PHF21B: variants seen among roughly 807,000 people sequenced by gnomAD.
The protein encoded by PHF21B is PHD finger protein 21B.
A neutral mutation model predicts 62.2 loss-of-function variants in PHF21B; 22 were observed. The ratio of observed to expected loss-of-function variants is 0.35; its 90% CI spans 0.25 to 0.51. The LOEUF is 0.51. Among genes scored for constraint, PHF21B ranks in the 20% least tolerant of loss-of-function variants. The pLI is 0.97. For synonymous variants in PHF21B, 341 were observed against 314.7 expected (o/e 1.08, Z -0.88); for missense variants, 701 against 707.9 (o/e 0.99, Z 0.11).
intron 2 of PHF21B, among the ~76,000 whole-genome samples, chr22:44,944,970 C>T (rs1198298374): frequency 2.7e-5 from 3 of 112,900 alleles, no homozygotes; most frequent in Non-Finnish European, 5.5e-5. Context: ...TGAATTAGAG[C>T]GATCCTTACC....
chr22:44,934,323 C>T (rs748472080), intron 2 of PHF21B, among the ~76,000 whole-genome samples: 7 of 152,220 alleles, frequency 4.6e-5, no homozygotes, highest in South Asian at 2.1e-4. Flanking sequence ...TCACCGCACG[C>T]GACCTAAGAC....
rs140408967 is a variant in PHF21B, at chr22:44,959,287, C to T, written c.121-38797G>A. Among the ~76,000 whole-genome samples, 244 of 152,292 alleles carry T rather than the reference C, an allele frequency of 1.6e-3. 1 individual carries two copies. Among genetic ancestry groups the T allele is most frequent in the African/African-American group, 5.5e-3 (228 of 41,550 alleles). On this transcript the variant is annotated intron_variant, in intron 2 of 12. Transcript: ENST00000313237. ...TCTAGAGAATGATGACATTTTGCCC[C>T]GACCCATCTTCTCATACTCTCCACT...
chr22:44,968,396 G>A (rs2147440811), intron 2 of PHF21B, among the ~76,000 whole-genome samples: 1 of 152,220 alleles, frequency 6.6e-6, no homozygotes, highest in African/African-American at 2.4e-5. Flanking sequence ...GTAATCTCAG[G>A]ACTTTAGGAG....
intron 2 of PHF21B, among the ~76,000 whole-genome samples, chr22:44,928,790 G>A (rs913901758): frequency 3.3e-5 from 5 of 152,294 alleles, no homozygotes; most frequent in South Asian, 2.1e-4. Flanking sequence ...GCAGTGGGCC[G>A]TGTTTCCCAT....
chr22:44,958,186 A>G (rs1454530443), intron 2 of PHF21B, among the ~76,000 whole-genome samples: 1 of 152,110 alleles, frequency 6.6e-6, no homozygotes, highest in East Asian at 1.9e-4. Context: ...TACAGGTGTG[A>G]GCCACCACGA....
At chr22:44,957,728 C>A (rs2072330151) in intron 2 of PHF21B, among the ~76,000 whole-genome samples, 1 of 152,168 alleles carries the variant, frequency 6.6e-6, no homozygotes, top group Non-Finnish European at 1.5e-5. Context: ...GCTGCTGGGG[C>A]CCCCTCTCCT....
At chr22:44,910,563 G>T (rs1436855403) in intron 5 of PHF21B, among the ~76,000 whole-genome samples, 1 of 151,578 alleles carries the variant, frequency 6.6e-6, no homozygotes, top group Non-Finnish European at 1.5e-5. Context: ...AGATCTGATG[G>T]GTGTAAAAAT....
rs773623920 is a variant in PHF21B at position 44,883,155 on chromosome 22, G to A, written c.1527C>T (p.Ala509=). The part of the protein sequence containing the change: ...MTTTSPAPLL[A]GPWTKPSVAA... ...CCACTGAGGGCTTGGTCCAGGGCCC[G>A]GCCAGCAGTGGGGCAGGGCTAGTGG... Residue 509 remains alanine, a synonymous_variant, in exon 13 of 13, where the codon GCC becomes GCT. Coordinates refer to ENST00000313237, the MANE Select transcript of PHF21B (RefSeq NM_138415.5). 4.5e-5 allele frequency: 73 copies of A among 1,612,952 alleles called. No individual in the cohort carries two copies. Among genetic ancestry groups the A allele is most frequent in the Middle Eastern group, 1.7e-4 (1 of 5,976 alleles).
chr22:44,905,490 A>C (rs1471826407), intron 5 of PHF21B, among the ~76,000 whole-genome samples: 1 of 152,194 alleles, frequency 6.6e-6, no homozygotes, highest in Non-Finnish European at 1.5e-5. Flanking sequence ...CTGTTGCTAG[A>C]GTATTTAGCA....
Position 44,913,280 on chromosome 22 carries a change from C to T in PHF21B, c.831+542G>A, listed in dbSNP as rs182326760. Among the ~76,000 whole-genome samples the T allele has an allele frequency of 2.0e-5, 3 of 152,312 alleles. No homozygotes were observed. In the East Asian group the frequency reaches 5.8e-4, roughly 29 times the overall value. ...CTTCTACAGTGCCCAGGGTCCTGCA[C>T]ACACCCAGGACTGGCCATGGCAGAG... On this transcript the variant is annotated intron_variant, in intron 5 of 12. Coordinates refer to ENST00000313237, the MANE Select transcript of PHF21B (RefSeq NM_138415.5).
intron 2 of PHF21B, among the ~76,000 whole-genome samples, chr22:45,007,246 G>C (rs1265365416): frequency 1.3e-5 from 2 of 149,846 alleles, no homozygotes; most frequent in Non-Finnish European, 3.0e-5. Flanking sequence ...CCCGCCACTC[G>C]CGCACGCCCC....
At chr22:44,963,137 T>C (rs1569258195) in intron 2 of PHF21B, among the ~76,000 whole-genome samples, 1 of 152,238 alleles carries the variant, frequency 6.6e-6, no homozygotes, top group Non-Finnish European at 1.5e-5. Context: ...AAGGACACTC[T>C]GCAGCTGTGA....
chr22:44,884,164 GCACCATCACCACCATCATTAC>G (rs2070796295), intron 12 of PHF21B, among the ~76,000 whole-genome samples: 3 of 137,416 alleles, frequency 2.2e-5, no homozygotes, highest in South Asian at 2.3e-4. Flanking sequence ...ACTGTGATCA[GCACCATCACCACCATCATTAC>G]CACCATCACC....
chr22:44,935,755 G>A (rs1341857070), intron 2 of PHF21B, among the ~76,000 whole-genome samples: 1 of 152,200 alleles, frequency 6.6e-6, no homozygotes, highest in Non-Finnish European at 1.5e-5. Context: ...TTAACCTCCT[G>A]AGCCTCAGTT....
chr22:44,886,883 A>G (rs1203280060), intron 10 of PHF21B, among the ~76,000 whole-genome samples: 4 of 152,148 alleles, frequency 2.6e-5, no homozygotes, highest in Non-Finnish European at 5.9e-5. Flanking sequence ...GCCTGGGTGC[A>G]GTGGCTCATA....
At chr22:44,991,677 C>T (rs2073044512) in intron 2 of PHF21B, among the ~76,000 whole-genome samples, 1 of 152,314 alleles carries the variant, frequency 6.6e-6, no homozygotes, top group African/African-American at 2.4e-5. Context: ...AGCTGGGGGG[C>T]TCCTGTGGTG....
chr22:44,994,134 TC>T (rs1214451040), intron 2 of PHF21B, among the ~76,000 whole-genome samples: 1 of 152,198 alleles, frequency 6.6e-6, no homozygotes, highest in African/African-American at 2.4e-5. Flanking sequence ...GCAACGTGAA[TC>T]CAAGGTAGGC....
Position 44,916,555 on chromosome 22 carries a change from T to G in PHF21B, c.289A>C (p.Thr97Pro). ...CTGACCACGGTGGCCTTCTGGAATG[T>G]TGGGGGCTGCTTGGGTGGCCGGTCC... Reference protein sequence around the residue: ...GRDRPPKQPPTFQKATVVSVK... With the variant: ...GRDRPPKQPPPFQKATVVSVK... The change falls in exon 4 of 13, where the codon ACA (threonine) becomes CCA (proline). Residue 97 changes from threonine (T) to proline (P), a missense_variant. Transcript: ENST00000313237. 6.2e-7 allele frequency: 1 copy of G among 1,608,792 alleles called. No individual in the cohort carries two copies. The highest frequency in any genetic ancestry group is 8.5e-7 in the Non-Finnish European group (1 of 1,179,888).
chr22:44,921,263 G>A (rs911834482), intron 2 of PHF21B, among the ~76,000 whole-genome samples: 27 of 152,186 alleles, frequency 1.8e-4, no homozygotes, highest in African/African-American at 5.6e-4. Context: ...AGGCCCACAC[G>A]CGTACAGGAG....
Sources: allele counts gnomAD v4.1 joint callset (sites outside exome capture counted in the v4.1 genomes callset), GRCh38; gene constraint gnomAD v4.1.1; transcripts MANE v1.5; gene names NCBI Gene and HGNC (gene_info 2026-07-23, HGNC 2026-07-21).